Variants in SERGEF observed in about 807,000 individuals in gnomAD.
SERGEF encodes secretion regulating guanine nucleotide exchange factor, also known as secretion-regulating guanine nucleotide exchange factor.
SERGEF carries 51 observed loss-of-function variants against 50.0 expected under a neutral mutation model. The ratio of observed to expected loss-of-function variants is 1.02; its 90% CI spans 0.81 to 1.29. SERGEF has a LOEUF of 1.29. Among genes scored for constraint, SERGEF ranks in the 50% most tolerant of loss-of-function variants. SERGEF has a pLI of 0.00. For synonymous variants in SERGEF, 205 were observed against 212.4 expected, an observed-to-expected ratio of 0.97 and a Z score of 0.30; for missense variants, 521 against 557.0, an observed-to-expected ratio of 0.94 and a Z score of 0.65.
chr11:17,910,445 T>A (rs1433237132), intron 9 of SERGEF, among the ~76,000 whole-genome samples: 2 of 151,778 alleles, frequency 1.3e-5, no homozygotes, highest in Non-Finnish European at 2.9e-5. Context: ...AGAGATGGAG[T>A]CTTGTTATGT....
At chr11:17,959,234 T>C (rs769088452) in intron 9 of SERGEF, among the ~76,000 whole-genome samples, 4 of 152,196 alleles carry the variant, frequency 2.6e-5, no homozygotes, top group African/African-American at 7.2e-5. Flanking sequence ...CTCTTCACAG[T>C]AGATCCAAAG....
At chr11:17,980,840 T>A (rs887849276) in intron 8 of SERGEF, among the ~76,000 whole-genome samples, 2 of 152,228 alleles carry the variant, frequency 1.3e-5, no homozygotes, top group East Asian at 3.8e-4. Context: ...TTTGAATACA[T>A]CCATGACTAT....
intron 10 of SERGEF, among the ~76,000 whole-genome samples, chr11:17,860,211 T>C (rs1198354906): frequency 6.6e-6 from 1 of 152,076 alleles, no homozygotes; most frequent in Non-Finnish European, 1.5e-5. Context: ...CAATTAGTAA[T>C]TGGTATATAG....
Position 18,008,049 on chromosome 11 carries a change from G to C in SERGEF, c.88C>G (p.Leu30Val), listed in dbSNP as rs755455092. 6.2e-7 allele frequency: 1 copy of C among 1,614,046 alleles called. No individual in the cohort carries two copies. Among genetic ancestry groups the C allele is most frequent in the South Asian group, 1.1e-5 (1 of 91,060 alleles). The stretch of plus-strand genomic sequence containing the variant: ...AACAGCACATCTTCCTTATGGCCGA[G>C]GCCAAGTTGCCCATAGCTATTTGCA... ...WGANSYGQLG[L>V]GHKEDVLLPQ... Residue 30 changes from leucine to valine, a missense_variant, in exon 2 of 11, where the codon CTC (leucine) becomes GTC (valine). Transcript: ENST00000265965.
chr11:17,947,208 C>T lies in SERGEF; in HGVS notation c.1011+12262G>A, dbSNP rs1228506008. Among the ~76,000 whole-genome samples, 3 of 152,296 alleles carry T rather than the reference C, an allele frequency of 2.0e-5. No individual in the cohort carries two copies. In the East Asian group the frequency reaches 5.8e-4, roughly 29 times the overall value. ...CATGCACTAAAGTTACAGCCACAAT[C>T]AAGATATGGTGCCTATCCTCAAGTA... is the stretch of plus-strand genomic sequence containing the variant. On this transcript the variant is annotated intron_variant, in intron 9 of 10. Transcript: ENST00000265965.
At chr11:17,845,645 T>C (rs1256833288) in intron 10 of SERGEF, among the ~76,000 whole-genome samples, 4 of 152,232 alleles carry the variant, frequency 2.6e-5, no homozygotes, top group Non-Finnish European at 5.9e-5. Context: ...AAATTTGAGA[T>C]TTTCATTTTT....
intron 8 of SERGEF, among the ~76,000 whole-genome samples, chr11:17,961,188 C>T (rs1337086892): frequency 6.6e-6 from 1 of 152,170 alleles, no homozygotes; most frequent in Non-Finnish European, 1.5e-5. Context: ...ACAGCTAAGC[C>T]ACATCCCTTT....
intron 9 of SERGEF, among the ~76,000 whole-genome samples, chr11:17,934,552 A>G (rs563744049): frequency 6.6e-6 from 1 of 152,172 alleles, no homozygotes; most frequent in African/African-American, 2.4e-5. Context: ...AACTTCAACA[A>G]TAGTCCACTT....
intron 8 of SERGEF, among the ~76,000 whole-genome samples, chr11:17,982,299 T>C (rs1373876038): frequency 2.0e-5 from 3 of 152,188 alleles, no homozygotes; most frequent in African/African-American, 7.2e-5. Flanking sequence ...GCCTCCCCTA[T>C]TTAGTCCTCA....
intron 10 of SERGEF, among the ~76,000 whole-genome samples, chr11:17,819,607 C>A (rs1256759950): frequency 6.6e-6 from 1 of 152,174 alleles, no homozygotes; most frequent in Non-Finnish European, 1.5e-5. Context: ...GGTGCAGGAC[C>A]AAAACATGTT....
chr11:17,826,602 T>A (rs191133887), intron 10 of SERGEF, among the ~76,000 whole-genome samples: 1 of 152,266 alleles, frequency 6.6e-6, no homozygotes, highest in East Asian at 1.9e-4. Context: ...TGGAGATGGA[T>A]GGTAATAATG....
intron 10 of SERGEF, among the ~76,000 whole-genome samples, chr11:17,873,105 T>C (rs1180912641): frequency 6.6e-6 from 1 of 152,188 alleles, no homozygotes; most frequent in Non-Finnish European, 1.5e-5. Context: ...AGTACTCCTA[T>C]CTGGTGGCTT....
intron 9 of SERGEF, among the ~76,000 whole-genome samples, chr11:17,890,123 A>G (rs1851505831): frequency 6.6e-6 from 1 of 151,932 alleles, no homozygotes; most frequent in Non-Finnish European, 1.5e-5. Context: ...AAAAGTGGCT[A>G]AGAAGGGGCA....
At position 17,988,758 on chromosome 11, in the gene SERGEF, TAAAC is replaced by T; in HGVS notation, c.686-7_686-4del. On this transcript the variant is annotated splice_polypyrimidine_tract_variant and splice_region_variant and intron_variant, in intron 7 of 10. Transcript: ENST00000265965. ...CCAAACATACACCTCTCCTGCATCT[TAAAC>T]AAACAGAAGGGTAACAAAAGAGGTG... The T allele has an allele frequency of 6.2e-7, 1 of 1,613,010 alleles. No homozygotes were observed. The highest frequency in any genetic ancestry group is 8.5e-7 in the Non-Finnish European group (1 of 1,179,366).
At chr11:17,915,320 G>A (rs370865647) in intron 9 of SERGEF, among the ~76,000 whole-genome samples, 2 of 152,106 alleles carry the variant, frequency 1.3e-5, no homozygotes, top group Admixed American at 1.3e-4. Context: ...TATTTCCTGC[G>A]ACTAGGTCAT....
At chr11:18,008,529 G>A (rs1310002227) in intron 1 of SERGEF, among the ~76,000 whole-genome samples, 1 of 152,228 alleles carries the variant, frequency 6.6e-6, no homozygotes, top group Admixed American at 6.5e-5. Flanking sequence ...AGCCATGGCT[G>A]AAGGGGACAT....
rs1850666438 is a variant in SERGEF at position 17,848,971 on chromosome 11, AC to A, written c.1048+29236del. 2.0e-5 allele frequency among the ~76,000 whole-genome samples: 3 copies of A among 152,246 alleles called. No homozygotes were observed. In the South Asian group the frequency reaches 6.2e-4, roughly 32 times the overall value. On this transcript the variant is annotated intron_variant, in intron 10 of 10. Transcript: ENST00000265965. ...CCAAGAGCAACATCTGGGTCTCCCAACCCCCACTCTAGCTCTCTTTCTTCTG... is the reference window on the plus strand; with the variant it reads ...CCAAGAGCAACATCTGGGTCTCCCAACCCCACTCTAGCTCTCTTTCTTCTG...
At chr11:17,881,881 G>T (rs1481110981) in intron 9 of SERGEF, among the ~76,000 whole-genome samples, 1 of 152,178 alleles carries the variant, frequency 6.6e-6, no homozygotes, top group African/African-American at 2.4e-5. Flanking sequence ...GGATCCCAGT[G>T]TTGGTAGGAT....
intron 10 of SERGEF, chr11:17,846,521 A>ATT: frequency 2.8e-6 from 1 of 354,642 alleles, no homozygotes; most frequent in Non-Finnish European, 5.6e-6. Context: ...CCATCTTTGT[A>ATT]TTTTTTTTTC....
Sources: allele counts gnomAD v4.1 joint callset (sites outside exome capture counted in the v4.1 genomes callset), GRCh38; gene constraint gnomAD v4.1.1; transcripts MANE v1.5; gene names NCBI Gene and HGNC (gene_info 2026-07-23, HGNC 2026-07-21).